Variants in ZNF83 observed in about 807,000 individuals in gnomAD.
ZNF83 encodes the protein zinc finger protein 816B.
For synonymous variants in ZNF83, 209 were observed against 213.0 expected, an observed-to-expected ratio of 0.98 and a Z score of 0.17; for missense variants, 552 against 629.9, an observed-to-expected ratio of 0.88 and a Z score of 1.32.
Position 52,677,329 on chromosome 19 carries a change from A to AAT in ZNF83, c.-283+13113_-283+13114insAT, listed in dbSNP as rs1555791128. Among the ~76,000 whole-genome samples the AAT allele has an allele frequency of 9.1e-4, 118 of 129,138 alleles. 6 individuals carry two copies. The East Asian group carries it at 0.012, about 13-fold the overall frequency. 84.7% of individuals were successfully genotyped at this position (129,138 alleles called of 152,430 possible). The stretch of plus-strand genomic sequence containing the variant: ...AGTAAAAAAAAAAAAAAAAAAAAAA[A>AAT]ACAAAAATTAGCCGGGTGTGGTGGT... On this transcript the variant is annotated intron_variant, in intron 1 of 5. Transcript: ENST00000594682.
chr19:52,671,097 C>T (rs36074196), intron 1 of ZNF83, among the ~76,000 whole-genome samples: 11,816 of 152,144 alleles, frequency 0.078, 557 homozygotes, highest in Non-Finnish European at 0.11. Flanking sequence ...CACATGAACC[C>T]CTCACAAACG....
intron 1 of ZNF83, among the ~76,000 whole-genome samples, chr19:52,680,315 G>A (rs750975577): frequency 5.9e-5 from 9 of 152,162 alleles, no homozygotes; most frequent in Non-Finnish European, 1.3e-4. Flanking sequence ...CTAGGTACCT[G>A]TAGCTCTCCC....
chr19:52,617,728 C>CAAAAAAAAAA (rs60669262), intron 2 of ZNF83: 1 of 118,980 alleles, frequency 8.4e-6, no homozygotes, highest in African/African-American at 3.1e-5. Context: ...GAGATTGTCT[C>CAAAAAAAAAA]AAAAAAAAAA....
At chr19:52,655,198 C>A in intron 3 of ZNF83, 1 of 217,016 alleles carries the variant, frequency 4.6e-6, no homozygotes. Flanking sequence ...AAAAACAAAA[C>A]AAAACAAAAG....
At chr19:52,629,482 T>C (rs2060869608) in intron 2 of ZNF83, among the ~76,000 whole-genome samples, 1 of 152,134 alleles carries the variant, frequency 6.6e-6, no homozygotes, top group Admixed American at 6.5e-5. Flanking sequence ...TAGGTCCCAA[T>C]TCTTCCTCAG....
chr19:52,632,062 T>TGGG (rs1202274275), intron 2 of ZNF83, among the ~76,000 whole-genome samples: 1 of 152,330 alleles, frequency 6.6e-6, no homozygotes, highest in African/African-American at 2.4e-5. Context: ...ATACTTTCAC[T>TGGG]GGATAGGTAG....
chr19:52,668,202 G>C (rs926315337), intron 1 of ZNF83, among the ~76,000 whole-genome samples: 1 of 152,128 alleles, frequency 6.6e-6, no homozygotes, highest in Non-Finnish European at 1.5e-5. Flanking sequence ...GGAAAGAATG[G>C]AAACTCGAGC....
chr19:52,677,763 A>T (rs968521362), intron 1 of ZNF83, among the ~76,000 whole-genome samples: 1 of 151,982 alleles, frequency 6.6e-6, no homozygotes, highest in Non-Finnish European at 1.5e-5. Context: ...GCCAGAGGGG[A>T]TGGCTCATGC....
intron 1 of ZNF83, among the ~76,000 whole-genome samples, chr19:52,666,289 G>A (rs1384395782): frequency 1.3e-5 from 2 of 151,942 alleles, no homozygotes; most frequent in Non-Finnish European, 1.5e-5. Flanking sequence ...AGAGAGAGTA[G>A]TAGTAGAGAG....
At chr19:52,623,756 G>C (rs2060633496) in intron 2 of ZNF83, among the ~76,000 whole-genome samples, 3 of 152,028 alleles carry the variant, frequency 2.0e-5, no homozygotes, top group Admixed American at 6.5e-5. Context: ...GGGGATTAAA[G>C]CCTGTTATCA....
At chr19:52,618,103 G>A (rs896865846) in intron 2 of ZNF83, 1 of 152,120 alleles carries the variant, frequency 6.6e-6, no homozygotes, top group African/African-American at 2.4e-5. Context: ...TTTTGTTTTT[G>A]TTTTTTGAGA....
chr19:52,659,539 AG>A (rs960059591), intron 2 of ZNF83, among the ~76,000 whole-genome samples: 8 of 150,320 alleles, frequency 5.3e-5, no homozygotes, highest in Non-Finnish European at 1.2e-4. Flanking sequence ...GGTTTAGGTC[AG>A]GGTTGACATG....
chr19:52,649,657 T>C (rs980582337), intron 3 of ZNF83, among the ~76,000 whole-genome samples: 6 of 152,174 alleles, frequency 3.9e-5, no homozygotes, highest in Middle Eastern at 6.9e-3. Context: ...CTAAAAACTT[T>C]CTAAAAAGAC....
chr19:52,637,860 G>C (rs410857), intron 1 of ZNF83, among the ~76,000 whole-genome samples: 9 of 151,762 alleles, frequency 5.9e-5, no homozygotes, highest in African/African-American at 2.2e-4. Flanking sequence ...GGAGGGAGGT[G>C]GGGGGGAGAC....
At chr19:52,613,142 G>T in exon 3 of ZNF83, 1 of 1,613,754 alleles carries the variant, frequency 6.2e-7, no homozygotes, top group Non-Finnish European at 8.5e-7. Flanking sequence ...ATCGCATGAT[G>T]ATTAGTGAGG....
At chr19:52,639,155 T>G (rs935673578), upstream of ZNF83, among the ~76,000 whole-genome samples, 7 of 152,078 alleles carry the variant, frequency 4.6e-5, no homozygotes, top group East Asian at 9.7e-4. Context: ...CAGGCTGGAG[T>G]GCAATGGCGC....
chr19:52,683,955 C>T (rs778729100), intron 1 of ZNF83, among the ~76,000 whole-genome samples: 16 of 152,170 alleles, frequency 1.1e-4, no homozygotes, highest in Middle Eastern at 3.4e-3. Flanking sequence ...TGTTTCTGGG[C>T]GGGCACAGTG....
intron 1 of ZNF83, among the ~76,000 whole-genome samples, chr19:52,637,739 G>A (rs2061198061): frequency 6.6e-6 from 1 of 152,146 alleles, no homozygotes; most frequent in Admixed American, 6.5e-5. Flanking sequence ...GAGCTGGGCA[G>A]GCAAGAACAC....
In ZNF83 at chr19:52,686,481, T is replaced by A. The variant is rs532618284; in HGVS notation, c.-283+3962A>T. The stretch of plus-strand genomic sequence containing the variant: ...TTACATATATATATATATATATATA[T>A]AAATAAATGAGAAACCAGAAAGAAA... On this transcript the variant is annotated intron_variant, in intron 1 of 5. Coordinates refer to the ZNF83 transcript ENST00000594682. Among the ~76,000 whole-genome samples the A allele has an allele frequency of 7.0e-5, 9 of 128,694 alleles. No individual in the cohort carries two copies. The South Asian group carries it at 1.5e-3, about 22-fold the overall frequency. The allele number at this position is 128,694 out of a possible 152,430, so 84.4% of individuals were successfully genotyped here. A position where few individuals can be genotyped will look rare whatever the true frequency, so the allele number is the denominator to read the frequency against.
Sources: gnomAD v4.1 joint callset for allele counts (sites outside exome capture counted in the v4.1 genomes callset) on GRCh38, gnomAD v4.1.1 for gene constraint, MANE v1.5 for transcripts, NCBI Gene and HGNC (gene_info 2026-07-23, HGNC 2026-07-21) for gene names.